The following ADGRG5 variants were observed in gnomAD, a reference collection of about 807,000 sequenced individuals.
The protein encoded by ADGRG5 is adhesion G protein-coupled receptor G5.
ADGRG5 carries 37 observed loss-of-function variants against 53.2 expected under a neutral mutation model. That is an observed-to-expected ratio of 0.70 (90% CI 0.53 to 0.91). The LOEUF (loss-of-function observed/expected upper bound fraction) is 0.91, where lower values mean the gene tolerates loss of function less well. ADGRG5 is among the 40% of genes least tolerant of loss of function. The pLI is 0.00. For synonymous variants in ADGRG5, 277 were observed against 290.4 expected, an observed-to-expected ratio of 0.95 and a Z score of 0.47; for missense variants, 614 against 675.8, an observed-to-expected ratio of 0.91 and a Z score of 1.01.
chr16:57,553,404 A>G (rs1421878900), intron 1 of ADGRG5, among the ~76,000 whole-genome samples: 4 of 152,228 alleles, frequency 2.6e-5, no homozygotes, highest in African/African-American at 7.2e-5. Context: ...GAGATATCCA[A>G]TTGTTCCATC....
In ADGRG5 at chr16:57,562,087, A is replaced by G. The variant is rs1004363; in HGVS notation, c.-7A>G. 504,720 of 1,550,084 alleles carry G rather than the reference A, an allele frequency of 0.33. 86,057 individuals are homozygous for G. Among genetic ancestry groups the G allele is most frequent in the East Asian group, 0.53 (23,251 of 43,678 alleles). ...AGCCAGTTCTTGGAGGAGACTCTGC[A>G]CAGGGCATGGATCACTGTGGTGCCC... On this transcript the variant is annotated 5_prime_UTR_variant, in exon 2 of 12. Transcript: ENST00000349457.
intron 7 of ADGRG5, 43 bp downstream of exon 7, chr16:57,566,794 C>T (rs752586564): frequency 6.5e-6 from 9 of 1,388,656 alleles, no homozygotes; most frequent in Middle Eastern, 2.0e-4. Flanking sequence ...ACAGAGGGCC[C>T]TGTGTCTGTG....
the ADGRG5 span, among the ~76,000 whole-genome samples, chr16:57,532,753 T>A: frequency 1.3e-5 from 2 of 148,204 alleles, no homozygotes; most frequent in Non-Finnish European, 3.0e-5. Context: ...ACACACACAC[T>A]CCTCCTTTTC....
At position 57,574,979 on chromosome 16, in the gene ADGRG5, C is replaced by T; in HGVS notation, c.1373C>T (p.Thr458Ile). 3 of 1,613,946 alleles carry T rather than the reference C, an allele frequency of 1.9e-6. No homozygotes were observed. The highest frequency in any genetic ancestry group is 2.5e-6 in the Non-Finnish European group (3 of 1,180,008). Residue 458 changes from threonine (T) to isoleucine (I), a missense_variant, in exon 11 of 12, where the codon ACT becomes ATT. Physicochemically the swap from Thr to Ile is moderately conservative, Grantham distance 89. Transcript: ENST00000349457. The surrounding 1 kb of genome is among the most constrained non-coding windows in gnomAD (Gnocchi z 4.4). The stretch of plus-strand genomic sequence containing the variant: ...GTCAGGGCCTGCCATGACACTGTCA[C>T]TGTGCTGGGCCTCACCGTGCTGCTG... ...PSVRACHDTVTVLGLTVLLGT... is the reference protein window; with the variant it reads ...PSVRACHDTVIVLGLTVLLGT...
rs1361934886 is a variant in ADGRG5, at chr16:57,566,734, T to C, written c.682T>C (p.Tyr228His). ...QVLCRCNHLT[Y>H]FAVLMQLSPA... ...GCTCTGCCGCTGCAACCACCTCACC[T>C]ACTTTGCTGTTCTCATGGTATGTAT... Residue 228 changes from tyrosine to histidine, a missense_variant, in exon 7 of 12, where the codon TAC (tyrosine) becomes CAC (histidine). By Grantham distance (83) the Tyr-to-His change is moderately conservative (BLOSUM62 2). Coordinates refer to ENST00000349457, the MANE Select transcript of ADGRG5 (RefSeq NM_001304376.3). 2 of 1,552,496 alleles carry C rather than the reference T, an allele frequency of 1.3e-6. No homozygotes were observed. Among genetic ancestry groups the C allele is most frequent in the African/African-American group, 1.4e-5 (1 of 72,602 alleles).
At chr16:57,548,837 T>C (rs915038668) in intron 1 of ADGRG5, among the ~76,000 whole-genome samples, 1 of 151,762 alleles carries the variant, frequency 6.6e-6, no homozygotes, top group African/African-American at 2.4e-5. Context: ...TATTTCAGAG[T>C]GTAAAGGTAT....
At chr16:57,548,621 C>T (rs61228847) in intron 1 of ADGRG5, among the ~76,000 whole-genome samples, 7,068 of 152,150 alleles carry the variant, frequency 0.046, 506 homozygotes, top group African/African-American at 0.15. Flanking sequence ...CCTCCCTAAC[C>T]CTTTGCAACC....
At chr16:57,540,023 T>C (rs1467070726), upstream of ADGRG5, among the ~76,000 whole-genome samples, 1 of 152,062 alleles carries the variant, frequency 6.6e-6, no homozygotes, top group African/African-American at 2.4e-5. Flanking sequence ...AGCGGATCAC[T>C]TGACTTGTCA....
At chr16:57,570,607 T>C (rs535417808) in intron 10 of ADGRG5, 72 bp downstream of exon 10, 2 of 1,087,994 alleles carry the variant, frequency 1.8e-6, no homozygotes, top group South Asian at 2.5e-5. Flanking sequence ...GGGCTCCAAA[T>C]GGAATATCCT....
At position 57,565,037 on chromosome 16, in the gene ADGRG5, G is replaced by A. The variant is rs373723798; in HGVS notation, c.433G>A (p.Glu145Lys). Reference sequence around the variant, plus strand: ...CCTTCTCCTGCTGCCCTTCCAGGATGAAAACAACTCATCTCTGCTGAATAA... The same window carrying A: ...CCTTCTCCTGCTGCCCTTCCAGGATAAAAACAACTCATCTCTGCTGAATAA... Reference protein sequence around the residue: ...YFSNTHFFKDENNSSLLNNYV... With the variant: ...YFSNTHFFKDKNNSSLLNNYV... The change falls in exon 6 of 12, where the codon GAA becomes AAA. Residue 145 changes from glutamate (E) to lysine (K), a missense_variant. Transcript: ENST00000349457. 6.2e-7 allele frequency: 1 copy of A among 1,609,680 alleles called. No individual in the cohort carries two copies. The highest frequency in any genetic ancestry group is 8.5e-7 in the Non-Finnish European group (1 of 1,176,316).
chr16:57,576,569 G>C lies in ADGRG5; in HGVS notation c.*1031G>C, dbSNP rs781738883. 6.6e-6 allele frequency: 1 copy of C among 152,132 alleles called. No individual in the cohort carries two copies. The highest frequency in any genetic ancestry group is 1.5e-5 in the Non-Finnish European group (1 of 68,044). 9.4% of individuals were successfully genotyped at this position (152,132 alleles called of 1,614,324 possible). A position where few individuals can be genotyped will look rare whatever the true frequency, so the allele number is the denominator to read the frequency against. ...AGAACGAACACTAGGCGGCACCGTT[G>C]GTCCACACTCAGAGGCCCTTGGCGC... On this transcript the variant is annotated 3_prime_UTR_variant, in exon 12 of 12. Transcript: ENST00000349457.
intron 1 of ADGRG5, among the ~76,000 whole-genome samples, chr16:57,560,782 A>G (rs1202091639): frequency 6.6e-6 from 1 of 151,996 alleles, no homozygotes; most frequent in African/African-American, 2.4e-5. Flanking sequence ...CTCTGTTTTT[A>G]TTTTTATTTT....
the ADGRG5 span, among the ~76,000 whole-genome samples, chr16:57,532,366 C>A: frequency 6.6e-6 from 1 of 152,178 alleles, no homozygotes; most frequent in Non-Finnish European, 1.5e-5. Flanking sequence ...GGCTCTGGTT[C>A]CATGTACACC....
At chr16:57,571,659 T>TTC (rs1488166584) in intron 10 of ADGRG5, among the ~76,000 whole-genome samples, 4 of 149,054 alleles carry the variant, frequency 2.7e-5, no homozygotes, top group East Asian at 2.0e-4. Context: ...TTTTTTTCTT[T>TTC]TTTTTTTTTT....
chr16:57,572,469 TCAAA>T (rs1265852664), intron 10 of ADGRG5, among the ~76,000 whole-genome samples: 3 of 150,570 alleles, frequency 2.0e-5, no homozygotes, highest in Admixed American at 6.6e-5. Context: ...AGACTCTGAC[TCAAA>T]CAAACAAACA....
In ADGRG5 at chr16:57,562,167, C is replaced by A; in HGVS notation, c.64+10C>A. The A allele has an allele frequency of 6.3e-7, 1 of 1,592,830 alleles. No homozygotes were observed. Among genetic ancestry groups the A allele is most frequent in the Admixed American group, 1.7e-5 (1 of 57,902 alleles). ...CAGAATGCAACAACAGGTAAGGGGG[C>A]TCTGCTGAACTGGGGGCAGCCCTAG... On this transcript the variant is annotated intron_variant, in intron 2 of 11. Coordinates refer to ENST00000349457, the MANE Select transcript of ADGRG5 (RefSeq NM_001304376.3).
At position 57,562,079 on chromosome 16, in the gene ADGRG5, G is replaced by A. The variant is rs2033016231; in HGVS notation, c.-15G>A. Reference sequence around the variant, plus strand: ...AGGGCCGGAGCCAGTTCTTGGAGGAGACTCTGCACAGGGCATGGATCACTG... The same window carrying A: ...AGGGCCGGAGCCAGTTCTTGGAGGAAACTCTGCACAGGGCATGGATCACTG... On this transcript the variant is annotated 5_prime_UTR_variant, in exon 2 of 12. Transcript: ENST00000349457. 3 of 1,535,262 alleles carry A rather than the reference G, an allele frequency of 2.0e-6. No individual in the cohort carries two copies. The highest frequency in any genetic ancestry group is 2.6e-6 in the Non-Finnish European group (3 of 1,138,506).
At chr16:57,567,339 C>G (rs1203602152) in intron 7 of ADGRG5, 131 bp from the exon 8 acceptor site, 8 of 1,000,174 alleles carry the variant, frequency 8.0e-6, no homozygotes, top group Non-Finnish European at 1.2e-5. Flanking sequence ...TGGCCTTGTT[C>G]AAGCCAGGTC....
At chr16:57,556,312 AT>A (rs1390295173) in intron 1 of ADGRG5, among the ~76,000 whole-genome samples, 1 of 152,158 alleles carries the variant, frequency 6.6e-6, no homozygotes, top group Admixed American at 6.5e-5. Context: ...TAATGTAATT[AT>A]TTATATGATT....
Sources: allele counts gnomAD v4.1 joint callset (sites outside exome capture counted in the v4.1 genomes callset), GRCh38; gene constraint gnomAD v4.1.1; non-coding constraint Gnocchi (gnomAD v3.1); transcripts MANE v1.5; gene names NCBI Gene and HGNC (gene_info 2026-07-23, HGNC 2026-07-21).